NOTCH2NLC: variants seen among roughly 807,000 people sequenced by gnomAD.
NOTCH2NLC encodes the protein notch homolog 2 N-terminal-like protein C.
A neutral mutation model predicts 17.7 loss-of-function variants in NOTCH2NLC; 4 were observed. The observed-to-expected ratio is 0.23, with a 90% CI of 0.11 to 0.52. The LOEUF is 0.52. Among genes scored for constraint, NOTCH2NLC ranks in the 20% least tolerant of loss-of-function variants. NOTCH2NLC has a pLI of 0.96. For synonymous variants in NOTCH2NLC, 18 were observed against 86.0 expected (o/e 0.21, Z 4.38); for missense variants, 57 against 207.2 (o/e 0.28, Z 4.45).
At chr1:149,460,831 G>C (rs1320509905) in intron 3 of NOTCH2NLC, among the ~76,000 whole-genome samples, 2 of 144,992 alleles carry the variant, frequency 1.4e-5, no homozygotes, top group Non-Finnish European at 3.1e-5. Flanking sequence ...CCAAATTCAG[G>C]GTTGATTCTT....
At chr1:149,419,517 A>G (rs1190403154) in intron 1 of NOTCH2NLC, among the ~76,000 whole-genome samples, 4 of 150,934 alleles carry the variant, frequency 2.7e-5, no homozygotes, top group Non-Finnish European at 5.9e-5. Context: ...TGTGACTGTT[A>G]GTGTGTTGAG....
In NOTCH2NLC at chr1:149,446,537, C is replaced by T. The variant is rs1166589148; in HGVS notation, c.210-8781C>T. On this transcript the variant is annotated intron_variant, in intron 2 of 4. Coordinates refer to ENST00000650865, the MANE Select transcript of NOTCH2NLC (RefSeq NM_001364013.2). Reference sequence around the variant, plus strand: ...GAGATGGGGTTCTCACCATGTTGCCCGTGTTGCCTAGGCAGGTCTCGAACT... The same window carrying T: ...GAGATGGGGTTCTCACCATGTTGCCTGTGTTGCCTAGGCAGGTCTCGAACT... 2.5e-3 allele frequency among the ~76,000 whole-genome samples: 372 copies of T among 150,808 alleles called. 11 individuals are homozygous for T. Among genetic ancestry groups the T allele is most frequent in the Middle Eastern group, 0.021 (6 of 288 alleles).
rs1265548262 is a variant in NOTCH2NLC at position 149,402,141 on chromosome 1, G to A, written c.135+11219G>A. ...GTTGCCCAGGCTGGAGTGCAATGGC[G>A]CAATCTCGGCTCACCGCAACCTCCA... On this transcript the variant is annotated intron_variant, in intron 1 of 4. Transcript: ENST00000650865. 1.2e-4 allele frequency among the ~76,000 whole-genome samples: 18 copies of A among 150,172 alleles called. 3 individuals carry two copies. Among genetic ancestry groups the A allele is most frequent in the Admixed American group, 2.0e-4 (3 of 15,064 alleles).
At chr1:149,460,333 CTTTTTTTTTTTTT>C (rs1226789458) in intron 3 of NOTCH2NLC, among the ~76,000 whole-genome samples, 1 of 92,898 alleles carries the variant, frequency 1.1e-5, no homozygotes, top group Non-Finnish European at 2.1e-5. Flanking sequence ...TTCTGATCAC[CTTTTTTTTTTTTT>C]TTTTTTTTTT....
At chr1:149,436,722 G>C (rs1206957550) in intron 2 of NOTCH2NLC, among the ~76,000 whole-genome samples, 15 of 150,476 alleles carry the variant, frequency 1.0e-4, no homozygotes, top group Admixed American at 1.0e-3. Context: ...TTTCTTCTCA[G>C]CTGAAACTGG....
chr1:149,424,146 C>T (rs1447926777), intron 1 of NOTCH2NLC, among the ~76,000 whole-genome samples: 2 of 151,310 alleles, frequency 1.3e-5, no homozygotes, highest in African/African-American at 4.9e-5. Flanking sequence ...GGCGCTGGAA[C>T]TGGTTAAAAT....
intron 3 of NOTCH2NLC, among the ~76,000 whole-genome samples, chr1:149,462,071 T>G (rs2084653453): frequency 7.1e-6 from 1 of 141,014 alleles, no homozygotes; most frequent in Non-Finnish European, 1.6e-5. Flanking sequence ...ACATGGCACA[T>G]ATATACATAT....
intron 1 of NOTCH2NLC, among the ~76,000 whole-genome samples, chr1:149,409,763 GTTTTCTTTTTATTAAT>G (rs1362037012): frequency 7.1e-6 from 1 of 141,350 alleles, no homozygotes; most frequent in African/African-American, 2.6e-5. Flanking sequence ...TTCATTTTAT[GTTTTCTTTTTATTAAT>G]TTTTCTTCTT....
intron 2 of NOTCH2NLC, among the ~76,000 whole-genome samples, chr1:149,431,550 C>A: frequency 9.0e-6 from 1 of 111,244 alleles, no homozygotes; most frequent in Non-Finnish European, 1.9e-5. Context: ...AAGACTCCGT[C>A]TCAAAAAGAA....
At chr1:149,445,896 C>T (rs1342387192) in intron 2 of NOTCH2NLC, among the ~76,000 whole-genome samples, 1 of 100,534 alleles carries the variant, frequency 9.9e-6, no homozygotes, top group East Asian at 2.8e-4. Flanking sequence ...GCCAAATCCT[C>T]GTTTTAAAAA....
At chr1:149,460,923 TTCTC>T (rs1197975212) in intron 3 of NOTCH2NLC, among the ~76,000 whole-genome samples, 1 of 131,658 alleles carries the variant, frequency 7.6e-6, no homozygotes, top group African/African-American at 2.8e-5. Flanking sequence ...TTCTCTCTCT[TTCTC>T]TCTTTCTCTC....
Position 149,412,823 on chromosome 1 carries a change from A to C in NOTCH2NLC, c.136-18119A>C, listed in dbSNP as rs1476800834. Among the ~76,000 whole-genome samples, 37 of 146,854 alleles carry C rather than the reference A, an allele frequency of 2.5e-4. 1 individual carries two copies. Among genetic ancestry groups the C allele is most frequent in the Admixed American group, 1.2e-3 (18 of 14,648 alleles). ...GAGAGACTGCATCTCAAAAAAAAAA[A>C]AAAAAAAACCAAGGTAAAGTAATTT... is the stretch of plus-strand genomic sequence containing the variant. On this transcript the variant is annotated intron_variant, in intron 1 of 4. Transcript: ENST00000650865.
chr1:149,460,559 G>C (rs2084637888), intron 3 of NOTCH2NLC, among the ~76,000 whole-genome samples: 1 of 149,474 alleles, frequency 6.7e-6, no homozygotes. Flanking sequence ...GAATGGTCTG[G>C]ATCGCCTGAC....
chr1:149,417,097 C>CTTTTTTTTTTTTTTTTTTTT (rs1171555647), intron 1 of NOTCH2NLC, among the ~76,000 whole-genome samples: 2 of 69,590 alleles, frequency 2.9e-5, no homozygotes, highest in Non-Finnish European at 5.7e-5. Flanking sequence ...TCAGGTTTTC[C>CTTTTTTTTTTTTTTTTTTTT]TTTTTTTTTT....
intron 1 of NOTCH2NLC, among the ~76,000 whole-genome samples, chr1:149,408,536 T>C (rs2084281932): frequency 6.7e-6 from 1 of 150,176 alleles, no homozygotes; most frequent in African/African-American, 2.4e-5. Context: ...TTTGTTATGG[T>C]AGTTTTACAC....
chr1:149,454,540 C>T (rs1485723585), intron 2 of NOTCH2NLC, among the ~76,000 whole-genome samples: 26 of 149,406 alleles, frequency 1.7e-4, no homozygotes, highest in Middle Eastern at 3.5e-3. Flanking sequence ...GAATGTTATT[C>T]TTCAATTGAT....
chr1:149,429,712 G>A (rs2084433214), intron 1 of NOTCH2NLC, among the ~76,000 whole-genome samples: 3 of 151,344 alleles, frequency 2.0e-5, no homozygotes, highest in African/African-American at 7.3e-5. Flanking sequence ...TGGAGGAGTT[G>A]TTCTGACATC....
chr1:149,426,906 CT>C (rs1314622536), intron 1 of NOTCH2NLC, among the ~76,000 whole-genome samples: 2 of 150,554 alleles, frequency 1.3e-5, no homozygotes, highest in Admixed American at 1.3e-4. Context: ...ACTTTCATGG[CT>C]TCAGGTTATC....
rs1368044963 is a variant in NOTCH2NLC, at chr1:149,466,389, T to C, written c.*2236T>C. The C allele has an allele frequency of 3.6e-5, 5 of 140,686 alleles. No individual in the cohort carries two copies. The highest frequency in any genetic ancestry group is 7.9e-5 in the Non-Finnish European group (5 of 63,644). 8.7% of individuals were successfully genotyped at this position (140,686 alleles called of 1,614,324 possible). On this transcript the variant is annotated 3_prime_UTR_variant, in exon 5 of 5. Transcript: ENST00000650865. The stretch of plus-strand genomic sequence containing the variant: ...AGATGACTTCAGCTTTGGATAAATA[T>C]ATAGAAGGAAATTTAAAGAGAATTC...
Sources: allele counts gnomAD v4.1 joint callset (sites outside exome capture counted in the v4.1 genomes callset), GRCh38; gene constraint gnomAD v4.1.1; transcripts MANE v1.5; gene names NCBI Gene and HGNC (gene_info 2026-07-23, HGNC 2026-07-21).